Variants in PDE1C observed in about 807,000 individuals in gnomAD.
The protein encoded by PDE1C is phosphodiesterase 1C, also known as dual specificity calcium/calmodulin-dependent 3',5'-cyclic nucleotide phosphodiesterase 1C.
A neutral mutation model predicts 93.1 loss-of-function variants in PDE1C; 62 were observed. The ratio of observed to expected loss-of-function variants is 0.67; its 90% CI spans 0.54 to 0.82. PDE1C has a LOEUF of 0.82. Ranked by LOEUF, PDE1C falls within the 40% of genes least tolerant of loss-of-function variation. The pLI is 0.00. For synonymous variants in PDE1C, 325 were observed against 310.1 expected, an observed-to-expected ratio of 1.05 and a Z score of -0.50; for missense variants, 742 against 884.6, an observed-to-expected ratio of 0.84 and a Z score of 2.04.
intron 2 of PDE1C, among the ~76,000 whole-genome samples, chr7:32,001,414 G>C (rs1364875942): frequency 6.6e-6 from 1 of 152,174 alleles, no homozygotes; most frequent in Admixed American, 6.5e-5. Flanking sequence ...GCTGCCTATG[G>C]CTCCTGTTAT....
chr7:31,930,657 A>G (rs376325266), intron 2 of PDE1C, among the ~76,000 whole-genome samples: 8 of 151,868 alleles, frequency 5.3e-5, no homozygotes, highest in Non-Finnish European at 4.4e-5. Context: ...TGGCTAACAC[A>G]GTGAAACCTC....
the PDE1C span, chr7:31,651,977 T>A: frequency 1.2e-6 from 2 of 1,605,036 alleles, no homozygotes; most frequent in Non-Finnish European, 1.7e-6. Context: ...CGTGAGGCCC[T>A]GAGGCAGCAG....
intron 17 of PDE1C, among the ~76,000 whole-genome samples, chr7:31,772,202 A>G (rs1223141126): frequency 6.6e-6 from 1 of 152,162 alleles, no homozygotes; most frequent in African/African-American, 2.4e-5. Flanking sequence ...ATATTGGCAT[A>G]TTGCAGATCC....
rs373975112 is a variant in PDE1C, at chr7:32,306,070, G to C, written c.311-96531C>G. Reference sequence around the variant, plus strand: ...TCACGAGATCTGATGGTTTTAGAAAGGGAAACCCCTTTCACTTGATCCTTC... The same window carrying C: ...TCACGAGATCTGATGGTTTTAGAAACGGAAACCCCTTTCACTTGATCCTTC... On this transcript the variant is annotated intron_variant, in intron 1 of 1. Coordinates refer to the PDE1C transcript ENST00000672256. Among the ~76,000 whole-genome samples the C allele has an allele frequency of 9.2e-5, 14 of 152,252 alleles. No individual in the cohort carries two copies. In the South Asian group the frequency reaches 2.5e-3, roughly 27 times the overall value.
At chr7:32,331,889 C>T (rs531115071) in intron 1 of PDE1C, among the ~76,000 whole-genome samples, 1 of 152,148 alleles carries the variant, frequency 6.6e-6, no homozygotes. Flanking sequence ...CCAGTCCTAT[C>T]CCTTGATATG....
the PDE1C span, among the ~76,000 whole-genome samples, chr7:31,668,120 AAT>A: frequency 6.6e-6 from 1 of 152,156 alleles, no homozygotes; most frequent in South Asian, 2.1e-4. Context: ...GAAAAGAGGG[AAT>A]AGAGGAAATT....
the PDE1C span, among the ~76,000 whole-genome samples, chr7:31,623,785 A>C: frequency 6.6e-6 from 1 of 151,990 alleles, no homozygotes; most frequent in Non-Finnish European, 1.5e-5. Context: ...ATTAGGCAGG[A>C]GAAGGAAATA....
At chr7:32,288,395 G>C (rs867010719) in intron 1 of PDE1C, among the ~76,000 whole-genome samples, 1 of 152,296 alleles carries the variant, frequency 6.6e-6, no homozygotes. Context: ...TAGCCTCCTT[G>C]AAATAGTCAC....
In PDE1C at chr7:32,398,633, C is replaced by G. The variant is rs960554040; in HGVS notation, c.310+29189G>C. On this transcript the variant is annotated intron_variant, in intron 1 of 1. Transcript: ENST00000672256. ...CAAACTCCTGACCTCAAGTGATCCT[C>G]CCGTCTCGGCCTCCCAAAGTGCTGG... Among the ~76,000 whole-genome samples the G allele has an allele frequency of 3.9e-5, 6 of 152,154 alleles. No homozygotes were observed. In the South Asian group the frequency reaches 1.2e-3, roughly 32 times the overall value.
chr7:31,739,445 G>C, the PDE1C span, among the ~76,000 whole-genome samples: 1 of 152,082 alleles, frequency 6.6e-6, no homozygotes, highest in African/African-American at 2.4e-5. Context: ...GATCTTGATG[G>C]GAATGTAAAT....
At chr7:32,094,571 C>G (rs942291558) in intron 3 of PDE1C, among the ~76,000 whole-genome samples, 9 of 152,206 alleles carry the variant, frequency 5.9e-5, no homozygotes, top group African/African-American at 2.2e-4. Context: ...CAAACAGCCT[C>G]AGAGAGTGGC....
intron 1 of PDE1C, among the ~76,000 whole-genome samples, chr7:32,219,122 G>A (rs12672267): frequency 0.33 from 50,351 of 152,112 alleles, 8,614 homozygotes; most frequent in South Asian, 0.44. Context: ...AGATCTCATT[G>A]TGGAAACATA....
chr7:32,269,834 T>C (rs1585056026), intron 1 of PDE1C, among the ~76,000 whole-genome samples: 1 of 152,156 alleles, frequency 6.6e-6, no homozygotes, highest in Non-Finnish European at 1.5e-5. Flanking sequence ...AGTGCAATGG[T>C]GTAGTCCTAG....
chr7:32,161,319 G>A (rs906228314), intron 3 of PDE1C, among the ~76,000 whole-genome samples: 1 of 152,154 alleles, frequency 6.6e-6, no homozygotes, highest in Non-Finnish European at 1.5e-5. Flanking sequence ...AGGTATCCAA[G>A]AGAGCACAGA....
chr7:31,692,284 A>T, the PDE1C span: 1 of 602,082 alleles, frequency 1.7e-6, no homozygotes, highest in African/African-American at 1.9e-5. Context: ...AGCACACATA[A>T]AGAAACAGGA....
intron 1 of PDE1C, among the ~76,000 whole-genome samples, chr7:32,058,666 G>A (rs929994674): frequency 1.3e-5 from 2 of 152,174 alleles, no homozygotes; most frequent in Non-Finnish European, 2.9e-5. Flanking sequence ...TTTCCATGAT[G>A]CATGTATTAA....
intron 2 of PDE1C, among the ~76,000 whole-genome samples, chr7:31,918,063 G>A (rs1372706121): frequency 6.6e-6 from 1 of 152,046 alleles, no homozygotes; most frequent in Non-Finnish European, 1.5e-5. Context: ...GGGTGATTAG[G>A]TCTCCTTAAT....
chr7:32,135,003 A>T (rs1230832774), intron 3 of PDE1C, among the ~76,000 whole-genome samples: 1 of 152,206 alleles, frequency 6.6e-6, no homozygotes, highest in Non-Finnish European at 1.5e-5. Context: ...AGTGGCAATA[A>T]GATTTGACAG....
intron 1 of PDE1C, among the ~76,000 whole-genome samples, chr7:32,223,228 G>A (rs113485799): frequency 1.7e-3 from 253 of 152,330 alleles, no homozygotes; most frequent in Middle Eastern, 6.8e-3. Context: ...CATTTCACTT[G>A]TTTTTCAAGC....
Sources: allele counts gnomAD v4.1 joint callset (sites outside exome capture counted in the v4.1 genomes callset), GRCh38; gene constraint gnomAD v4.1.1; transcripts MANE v1.5; gene names NCBI Gene and HGNC (gene_info 2026-07-23, HGNC 2026-07-21).